RFC1: variants seen among roughly 807,000 people sequenced by gnomAD.
The protein encoded by RFC1 is A1 140 kDa subunit.
A neutral mutation model predicts 137.4 loss-of-function variants in RFC1; 37 were observed. The observed-to-expected ratio is 0.27, with a 90% confidence interval of 0.21 to 0.35. The LOEUF (loss-of-function observed/expected upper bound fraction) is 0.35, where lower values mean the gene tolerates loss of function less well. RFC1 is among the 10% of genes least tolerant of loss of function. The pLI, the probability that RFC1 is intolerant of heterozygous loss-of-function variation, is 1.00. For synonymous variants in RFC1, 429 were observed against 455.7 expected, an observed-to-expected ratio of 0.94 and a Z score of 0.75; for missense variants, 1,205 against 1,358.5, an observed-to-expected ratio of 0.89 and a Z score of 1.78.
At chr4:39,312,605 C>T (rs772719910) in intron 11 of RFC1, 147 bp downstream of exon 11, 27 of 740,126 alleles carry the variant, frequency 3.6e-5, no homozygotes, top group Non-Finnish European at 3.2e-5. Flanking sequence ...GAGCCAATAA[C>T]ACTTCTGTGG....
At chr4:39,351,283 A>ATAC in intron 2 of RFC1, 65 bp downstream of exon 2, 1 of 485,310 alleles carries the variant, frequency 2.1e-6, no homozygotes, top group Non-Finnish European at 3.0e-6. Flanking sequence ...AAAAAAAAAA[A>ATAC]AACTTATAAG....
chr4:39,351,497 A>G (rs778730418), intron 1 of RFC1, 21 bp from the exon 2 acceptor site: 25 of 1,527,106 alleles, frequency 1.6e-5, no homozygotes, highest in Non-Finnish European at 2.2e-5. Flanking sequence ...AAAACAGGAG[A>G]TTCACGAATA....
At chr4:39,317,161 A>C (rs1246505788) in intron 9 of RFC1, 139 bp from the exon 10 acceptor site, 2 of 583,782 alleles carry the variant, frequency 3.4e-6, no homozygotes, top group Non-Finnish European at 6.1e-6. Context: ...TAGCTACACA[A>C]GTACTTCCTA....
intron 4 of RFC1, among the ~76,000 whole-genome samples, chr4:39,330,033 C>CA (rs1196737895): frequency 1.5e-4 from 23 of 151,548 alleles, no homozygotes; most frequent in Non-Finnish European, 2.2e-4. Flanking sequence ...GACTCCCTCT[C>CA]AAAAAAAAAA....
chr4:39,358,700 T>C lies in RFC1; in HGVS notation c.4-7224A>G, dbSNP rs114454444. 4.8e-3 allele frequency among the ~76,000 whole-genome samples: 737 copies of C among 152,334 alleles called. 3 individuals are homozygous for C. Among genetic ancestry groups the C allele is most frequent in the African/African-American group, 0.017 (705 of 41,580 alleles). On this transcript the variant is annotated intron_variant, in intron 1 of 24. Coordinates refer to ENST00000349703, the MANE Select transcript of RFC1 (RefSeq NM_002913.5). ...ATCATGCCAATTGTTTTTATGCTTTTGTGGATGAAAGCTACACATATTTTC... is the reference window on the plus strand; with the variant it reads ...ATCATGCCAATTGTTTTTATGCTTTCGTGGATGAAAGCTACACATATTTTC...
intron 21 of RFC1, among the ~76,000 whole-genome samples, chr4:39,296,373 G>C (rs1356417693): frequency 7.7e-6 from 1 of 130,026 alleles, no homozygotes; most frequent in Non-Finnish European, 1.6e-5. Flanking sequence ...TCTAGCATTA[G>C]GTATATCTCC....
chr4:39,304,392 T>G (rs960855008), intron 15 of RFC1, among the ~76,000 whole-genome samples: 1 of 152,172 alleles, frequency 6.6e-6, no homozygotes, highest in Non-Finnish European at 1.5e-5. Context: ...TTTAACTCAA[T>G]GCCCCAAGCA....
At chr4:39,324,152 A>G (rs181053719) in intron 6 of RFC1, among the ~76,000 whole-genome samples, 60 of 152,226 alleles carry the variant, frequency 3.9e-4, no homozygotes, top group African/African-American at 1.4e-3. Flanking sequence ...GCCTTACGTG[A>G]TATTCAATAA....
rs148447022 is a variant in RFC1 at position 39,326,596 on chromosome 4, G to T, written c.609C>A (p.Ile203=). 6.2e-7 allele frequency: 1 copy of T among 1,612,962 alleles called. No individual in the cohort carries two copies. The highest frequency in any genetic ancestry group is 8.5e-7 in the Non-Finnish European group (1 of 1,179,312). Residue 203 remains isoleucine (I), a synonymous_variant, in exon 6 of 25, where the codon ATC becomes ATA. Coordinates refer to ENST00000349703, the MANE Select transcript of RFC1 (RefSeq NM_002913.5). The part of the protein sequence containing the change: ...TDESGLNDEA[I]AKQLQLDEDA... Reference sequence around the variant, plus strand: ...CTTCATCAAGCTGTAATTGCTTGGCGATGGCTTCATCATTTAATCCAGACT... The same window carrying T: ...CTTCATCAAGCTGTAATTGCTTGGCTATGGCTTCATCATTTAATCCAGACT...
rs1018510658 is a variant in RFC1 at position 39,331,247 on chromosome 4, G to A, written c.332-3491C>T. Reference sequence around the variant, plus strand: ...TTTATTTGCTTTAAGTTCAACAATTGTACTTCTGGGCAAGAGGGAGTCCCT... The same window carrying A: ...TTTATTTGCTTTAAGTTCAACAATTATACTTCTGGGCAAGAGGGAGTCCCT... On this transcript the variant is annotated intron_variant, in intron 4 of 24. Transcript: ENST00000349703. Among the ~76,000 whole-genome samples the A allele has an allele frequency of 2.0e-5, 3 of 152,010 alleles. No homozygotes were observed. In the South Asian group the frequency reaches 6.2e-4, roughly 32 times the overall value.
chr4:39,362,591 A>T (rs1180342861), intron 1 of RFC1, among the ~76,000 whole-genome samples: 1 of 152,250 alleles, frequency 6.6e-6, no homozygotes, highest in Non-Finnish European at 1.5e-5. Flanking sequence ...CCACATATAA[A>T]AGAATAAAAT....
chr4:39,359,599 G>A (rs549733643), intron 1 of RFC1, among the ~76,000 whole-genome samples: 1 of 152,262 alleles, frequency 6.6e-6, no homozygotes, highest in African/African-American at 2.4e-5. Context: ...GAGGCGGGTG[G>A]ATCATGAGGT....
In RFC1 at chr4:39,365,981, G is replaced by GA. The variant is rs1742003849; in HGVS notation, c.3+257_3+258insT. Among the ~76,000 whole-genome samples, 3 of 152,182 alleles carry GA rather than the reference G, an allele frequency of 2.0e-5. No homozygotes were observed. In the South Asian group the frequency reaches 6.2e-4, roughly 31 times the overall value. ...TCTTCCTTTCTCCCTTCCCCCAAGAGTGGGGGGCGGGGGGAAAGTGCAAGT... is the reference window on the plus strand; with the variant it reads ...TCTTCCTTTCTCCCTTCCCCCAAGAGATGGGGGGCGGGGGGAAAGTGCAAGT... On this transcript the variant is annotated intron_variant, in intron 1 of 24. Transcript: ENST00000349703.
At chr4:39,314,282 C>T (rs1192144347) in intron 10 of RFC1, among the ~76,000 whole-genome samples, 1 of 152,194 alleles carries the variant, frequency 6.6e-6, no homozygotes, top group East Asian at 1.9e-4. Context: ...ACTACAGGAA[C>T]TTAACTACTT....
chr4:39,351,527 TA>T (rs1371359591), intron 1 of RFC1, 51 bp from the exon 2 acceptor site: 1 of 1,449,480 alleles, frequency 6.9e-7, no homozygotes, highest in Non-Finnish European at 9.1e-7. Context: ...CGCATAAAAT[TA>T]TAACTTCAAT....
intron 4 of RFC1, among the ~76,000 whole-genome samples, chr4:39,330,704 G>A (rs1340003907): frequency 6.6e-6 from 1 of 152,142 alleles, no homozygotes; most frequent in African/African-American, 2.4e-5. Context: ...TTACACTAAA[G>A]TGTTTGCAAC....
At position 39,312,874 on chromosome 4, in the gene RFC1, T is replaced by A; in HGVS notation, c.1261A>T (p.Ile421Phe). 1 of 1,614,132 alleles carries A rather than the reference T, an allele frequency of 6.2e-7. No individual in the cohort carries two copies. The highest frequency in any genetic ancestry group is 8.5e-7 in the Non-Finnish European group (1 of 1,180,022). The stretch of plus-strand genomic sequence containing the variant: ...AGAGACTTGGCCTCATCTCGTTCAA[T>A]AGACTCCAGCACGCCTGTGATTACA... ...IFVITGVLESIERDEAKSLIE... is the reference protein window; with the variant it reads ...IFVITGVLESFERDEAKSLIE... The change falls in exon 11 of 25, where the codon ATT becomes TTT. Residue 421 changes from isoleucine (I) to phenylalanine (F), a missense_variant. By Grantham distance (21) the Ile-to-Phe change is conservative (BLOSUM62 0). Coordinates refer to ENST00000349703, the MANE Select transcript of RFC1 (RefSeq NM_002913.5).
Position 39,300,067 on chromosome 4 carries a change from T to C in RFC1, c.2762A>G (p.Asp921Gly). 6.2e-7 allele frequency: 1 copy of C among 1,614,216 alleles called. No individual in the cohort carries two copies. The highest frequency in any genetic ancestry group is 8.5e-7 in the Non-Finnish European group (1 of 1,180,012). Residue 921 changes from aspartate to glycine, a missense_variant, in exon 21 of 25, where the codon GAC (aspartate) becomes GGC (glycine). By Grantham distance (94) the Asp-to-Gly change is moderately conservative. Transcript: ENST00000349703. Reference sequence around the variant, plus strand: ...GTTTTGCTTACTCCGGATCTGGCTGTCCACTAGGTCACCATCGCATATGCT... The same window carrying C: ...GTTTTGCTTACTCCGGATCTGGCTGCCCACTAGGTCACCATCGCATATGCT... ...ADSICDGDLV[D>G]SQIRSKQNWS...
chr4:39,360,139 G>A (rs1478457158), intron 1 of RFC1, among the ~76,000 whole-genome samples: 5 of 152,192 alleles, frequency 3.3e-5, no homozygotes, highest in African/African-American at 1.2e-4. Flanking sequence ...GCCAAGGTGA[G>A]TGGATCGTTT....
Sources: gnomAD v4.1 joint callset for allele counts (sites outside exome capture counted in the v4.1 genomes callset) on GRCh38, gnomAD v4.1.1 for gene constraint, MANE v1.5 for transcripts, NCBI Gene and HGNC (gene_info 2026-07-23, HGNC 2026-07-21) for gene names.